MED15: variants seen among roughly 807,000 people sequenced by gnomAD.
MED15 encodes mediator complex subunit 15, also known as mediator of RNA polymerase II transcription subunit 15.
A neutral mutation model predicts 118.7 loss-of-function variants in MED15; 41 were observed. The observed-to-expected ratio is 0.35, with a 90% confidence interval of 0.27 to 0.45. MED15 has a LOEUF of 0.45. Ranked by LOEUF, MED15 falls within the 20% of genes least tolerant of loss-of-function variation. MED15 has a pLI of 1.00. For missense variants in MED15, 740 were observed against 1,025.5 expected (o/e 0.72, Z 3.80); for synonymous variants, 436 against 413.9 (o/e 1.05, Z -0.65).
At chr22:20,508,108 G>T in intron 1 of MED15, 1 of 1,263,708 alleles carries the variant, frequency 7.9e-7, no homozygotes, top group Non-Finnish European at 1.0e-6. Flanking sequence ...AGCAGGGCTG[G>T]GTGCTTCATG....
chr22:20,507,837 CGGCGCCGGGAGACAGAA>C (rs1280337493), intron 1 of MED15, 91 bp downstream of exon 1: 12 of 1,565,830 alleles, frequency 7.7e-6, no homozygotes, highest in Non-Finnish European at 1.0e-5. Flanking sequence ...GAGAAACCTA[CGGCGCCGGGAGACAGAA>C]GGCGCCGGGG....
intron 9 of MED15, among the ~76,000 whole-genome samples, chr22:20,579,258 A>C (rs889817606): frequency 2.6e-5 from 4 of 152,114 alleles, no homozygotes; most frequent in Non-Finnish European, 5.9e-5. Context: ...GAGTCTTTGC[A>C]GGGGCTGCTT....
At chr22:20,548,802 T>G (rs1191800832) in intron 2 of MED15, among the ~76,000 whole-genome samples, 1 of 152,158 alleles carries the variant, frequency 6.6e-6, no homozygotes, top group Non-Finnish European at 1.5e-5. Flanking sequence ...AGTGTGGAAA[T>G]TCTATGAAGC....
Position 20,566,826 on chromosome 22 carries a change from C to T in MED15, c.1041+9C>T, listed in dbSNP as rs373661298. ...AACCACCACTGAAATTTGTGAGTAC[C>T]TGTGGCCCACAGTGGAGCACATGCA... is the stretch of plus-strand genomic sequence containing the variant. On this transcript the variant is annotated intron_variant, in intron 7 of 17. Transcript: ENST00000263205. The T allele has an allele frequency of 6.2e-7, 1 of 1,612,160 alleles. No individual in the cohort carries two copies. The highest frequency in any genetic ancestry group is 1.3e-5 in the African/African-American group (1 of 75,044).
intron 1 of MED15, among the ~76,000 whole-genome samples, chr22:20,534,380 C>T (rs1214933487): frequency 3.9e-5 from 6 of 152,062 alleles, no homozygotes; most frequent in Admixed American, 1.3e-4. Context: ...AAAAAATTAG[C>T]CAGGCGTGGT....
chr22:20,521,525 A>G, intron 1 of MED15, among the ~76,000 whole-genome samples: 1 of 149,402 alleles, frequency 6.7e-6, no homozygotes, highest in Non-Finnish European at 1.5e-5. Context: ...CTGGGACTAC[A>G]GGCGCCCATC....
intron 2 of MED15, among the ~76,000 whole-genome samples, chr22:20,543,883 T>G (rs935764673): frequency 2.0e-5 from 3 of 152,196 alleles, no homozygotes; most frequent in African/African-American, 7.2e-5. Context: ...ATGCTTTGAT[T>G]GGAAGTCTGC....
intron 17 of MED15, 25 bp downstream of exon 17, chr22:20,585,851 TG>T: frequency 6.2e-7 from 1 of 1,608,798 alleles, no homozygotes. Flanking sequence ...AGGAGCTGTC[TG>T]GGGACCCAGG....
chr22:20,586,971 C>T lies in MED15; in HGVS notation c.*267C>T. Reference sequence around the variant, plus strand: ...TTCCTCCCAGGAGCCAGATGCGATCCTCAGGCTGCTCTCACCGTGGCCTGT... The same window carrying T: ...TTCCTCCCAGGAGCCAGATGCGATCTTCAGGCTGCTCTCACCGTGGCCTGT... On this transcript the variant is annotated 3_prime_UTR_variant, in exon 18 of 18. Coordinates refer to ENST00000263205, the MANE Select transcript of MED15 (RefSeq NM_001003891.3). 1 of 542,538 alleles carries T rather than the reference C, an allele frequency of 1.8e-6. No homozygotes were observed. Among genetic ancestry groups the T allele is most frequent in the Non-Finnish European group, 3.3e-6 (1 of 302,652 alleles). The allele number at this position is 542,538 out of a possible 1,614,324, so 33.6% of individuals were successfully genotyped here. A position where few individuals can be genotyped will look rare whatever the true frequency, so the allele number is the denominator to read the frequency against.
At chr22:20,535,696 A>G (rs1389612094) in intron 1 of MED15, among the ~76,000 whole-genome samples, 1 of 149,128 alleles carries the variant, frequency 6.7e-6, no homozygotes, top group Non-Finnish European at 1.5e-5. Context: ...AGTAGCTGGG[A>G]CTACAGGCGC....
intron 1 of MED15, among the ~76,000 whole-genome samples, chr22:20,513,329 G>A (rs897177501): frequency 5.3e-5 from 8 of 150,792 alleles, no homozygotes; most frequent in African/African-American, 2.0e-4. Flanking sequence ...GCCCAGGCTG[G>A]AGTGCATTGG....
chr22:20,541,676 A>C (rs1248761158), intron 2 of MED15, among the ~76,000 whole-genome samples: 4 of 135,570 alleles, frequency 3.0e-5, no homozygotes, highest in African/African-American at 1.1e-4. Context: ...TTTGAGATGG[A>C]GTCTCGCTCT....
chr22:20,565,637 A>C (rs890280654), intron 6 of MED15, among the ~76,000 whole-genome samples: 6 of 151,252 alleles, frequency 4.0e-5, no homozygotes, highest in Non-Finnish European at 7.4e-5. Flanking sequence ...GGATCTTGGC[A>C]CCCCTCTCCC....
chr22:20,532,772 GACTGTGGCAGGACAGCCATC>G (rs1302917127), intron 1 of MED15, among the ~76,000 whole-genome samples: 10 of 152,310 alleles, frequency 6.6e-5, no homozygotes, highest in Admixed American at 6.5e-4. Context: ...TGTTGGACAG[GACTGTGGCAGGACAGCCATC>G]AAGGGTCTTC....
At chr22:20,509,766 A>G (rs2053999561) in intron 1 of MED15, among the ~76,000 whole-genome samples, 7 of 152,180 alleles carry the variant, frequency 4.6e-5, no homozygotes. Context: ...CTGATAAAAT[A>G]TAGTTATCTG....
chr22:20,551,553 C>G lies in MED15; in HGVS notation c.208+66C>G, dbSNP rs761437534. The G allele has an allele frequency of 1.4e-6, 2 of 1,480,324 alleles. 1 individual carries two copies. The highest frequency in any genetic ancestry group is 2.8e-5 in the African/African-American group (2 of 72,172). 91.7% of individuals were successfully genotyped at this position (1,480,324 alleles called of 1,614,324 possible). ...TGAGAGGCCAGCCCTGACGCTGCCT[C>G]GGCAGAGCTTTCTGGGCAGGCCGTG... On this transcript the variant is annotated intron_variant, in intron 3 of 17. Transcript: ENST00000263205.
At chr22:20,570,537 G>A (rs1370940778) in intron 8 of MED15, among the ~76,000 whole-genome samples, 1 of 149,706 alleles carries the variant, frequency 6.7e-6, no homozygotes, top group Admixed American at 6.7e-5. Flanking sequence ...GACTACAGTT[G>A]CACACCACCA....
At chr22:20,536,176 A>T (rs561346946) in intron 1 of MED15, among the ~76,000 whole-genome samples, 18 of 152,104 alleles carry the variant, frequency 1.2e-4, no homozygotes, top group Non-Finnish European at 2.4e-4. Context: ...GCACCTGGCC[A>T]CTTGTTTCTT....
In MED15 at chr22:20,585,469, C is replaced by T. The variant is rs1019726423; in HGVS notation, c.2131+202C>T. ...AGTCCCCACTGCCAGAGCCCGCACACTCTCACCTCCCCAACACAGATGTGG... is the reference window on the plus strand; with the variant it reads ...AGTCCCCACTGCCAGAGCCCGCACATTCTCACCTCCCCAACACAGATGTGG... On this transcript the variant is annotated intron_variant, in intron 16 of 17. Transcript: ENST00000263205. 1.1e-5 allele frequency: 8 copies of T among 753,886 alleles called. No individual in the cohort carries two copies. In the African/African-American group the frequency reaches 1.2e-4, roughly 12 times the overall value. The allele number at this position is 753,886 out of a possible 1,614,324, so 46.7% of individuals were successfully genotyped here.
Sources: allele counts gnomAD v4.1 joint callset (sites outside exome capture counted in the v4.1 genomes callset), GRCh38; gene constraint gnomAD v4.1.1; transcripts MANE v1.5; gene names NCBI Gene and HGNC (gene_info 2026-07-23, HGNC 2026-07-21).